MMP28: variants seen among roughly 807,000 people sequenced by gnomAD.
The protein encoded by MMP28 is matrix metalloproteinase-28.
In MMP28, 55 loss-of-function variants were observed where a neutral mutation model predicts 60.5. The observed-to-expected ratio is 0.91, with a 90% CI of 0.73 to 1.14. The LOEUF is 1.14. Ranked by LOEUF, MMP28 falls within the 50% of genes most tolerant of loss-of-function variation. The pLI is 0.00. For missense variants in MMP28, 686 were observed against 738.3 expected, an observed-to-expected ratio of 0.93 and a Z score of 0.82; for synonymous variants, 318 against 312.5, an observed-to-expected ratio of 1.02 and a Z score of -0.18.
chr17:35,776,730 CA>C (rs907432950), intron 3 of MMP28, among the ~76,000 whole-genome samples: 2 of 150,726 alleles, frequency 1.3e-5, no homozygotes, highest in African/African-American at 2.4e-5. Flanking sequence ...ACTAAAAATA[CA>C]AAAAAAAATT....
At chr17:35,794,181 G>A (rs1019049235) in intron 1 of MMP28, among the ~76,000 whole-genome samples, 2 of 151,464 alleles carry the variant, frequency 1.3e-5, no homozygotes, top group African/African-American at 4.9e-5. Context: ...GAAGAAGTAA[G>A]AACACAAGCA....
In MMP28 at chr17:35,768,287, G is replaced by A. The variant is rs751685683; in HGVS notation, c.943C>T (p.Arg315Cys). ...TWDSYSPQGR[R>C]PETQGPKYCH... ...TATTTAGGGCCCTGCGTTTCAGGGC[G>A]CCTTCCTTGGGGGCTGTAGGAGTCC... Residue 315 changes from arginine to cysteine, a missense_variant, in exon 6 of 8, where the codon CGC becomes TGC. Transcript: ENST00000605424. The A allele has an allele frequency of 2.0e-5, 33 of 1,613,202 alleles. No homozygotes were observed. The highest frequency in any genetic ancestry group is 1.5e-4 in the Admixed American group (9 of 59,928).
chr17:35,774,886 T>G (rs1248394993), intron 3 of MMP28, among the ~76,000 whole-genome samples: 3 of 152,212 alleles, frequency 2.0e-5, no homozygotes, highest in African/African-American at 7.2e-5. Context: ...CTGGGCACAC[T>G]GTGAGTCTTC....
chr17:35,782,494 T>C (rs1322078673), intron 1 of MMP28, among the ~76,000 whole-genome samples: 1 of 152,236 alleles, frequency 6.6e-6, no homozygotes, highest in East Asian at 1.9e-4. Flanking sequence ...CCCTTGTGGA[T>C]TTAATTCACA....
chr17:35,764,886 G>T, downstream of MMP28: 1 of 294,476 alleles, frequency 3.4e-6, no homozygotes, highest in Non-Finnish European at 6.3e-6. Context: ...CCCCCACGCA[G>T]CACCAGCGCC....
Position 35,773,284 on chromosome 17 carries a change from G to A in MMP28, c.500C>T (p.Ala167Val), listed in dbSNP as rs769133820. Reference protein sequence around the residue: ...AAFQLWSNVSALEFWEAPATG... With the variant: ...AAFQLWSNVSVLEFWEAPATG... Reference sequence around the variant, plus strand: ...GGCTGGGGCCTCCCAGAACTCCAGCGCTGAGACGTTGCTCCACAACTGGAA... The same window carrying A: ...GGCTGGGGCCTCCCAGAACTCCAGCACTGAGACGTTGCTCCACAACTGGAA... The change falls in exon 4 of 8, where the codon GCG becomes GTG. Residue 167 changes from alanine to valine, a missense_variant. By Grantham distance (64) the Ala-to-Val change is moderately conservative. Coordinates refer to ENST00000605424, the MANE Select transcript of MMP28 (RefSeq NM_024302.5). The A allele has an allele frequency of 5.0e-6, 8 of 1,613,972 alleles. No individual in the cohort carries two copies. Among genetic ancestry groups the A allele is most frequent in the Admixed American group, 3.3e-5 (2 of 60,030 alleles).
chr17:35,775,023 TGG>T (rs2086284857), intron 3 of MMP28, among the ~76,000 whole-genome samples: 1 of 152,124 alleles, frequency 6.6e-6, no homozygotes, highest in African/African-American at 2.4e-5. Context: ...TTGCAGCTAG[TGG>T]GGTCCCTCAC....
intron 4 of MMP28, 61 bp from the exon 5 acceptor site, chr17:35,770,373 G>A (rs1441700812): frequency 6.9e-7 from 1 of 1,443,402 alleles, no homozygotes; most frequent in Non-Finnish European, 9.0e-7. Context: ...GGTACTCGCG[G>A]CCCAGCGCAA....
intron 3 of MMP28, among the ~76,000 whole-genome samples, chr17:35,777,650 T>C (rs538464440): frequency 2.6e-5 from 4 of 152,342 alleles, no homozygotes; most frequent in Middle Eastern, 3.4e-3. Flanking sequence ...AAATTAATGA[T>C]AGATGAAAAC....
intron 5 of MMP28, among the ~76,000 whole-genome samples, chr17:35,768,815 G>C (rs1382525776): frequency 6.8e-6 from 1 of 147,072 alleles, no homozygotes; most frequent in Non-Finnish European, 1.5e-5. Context: ...GTCTCAAAAA[G>C]AAAAAAAAAA....
intron 1 of MMP28, among the ~76,000 whole-genome samples, chr17:35,793,475 T>C (rs2086874427): frequency 6.6e-6 from 1 of 152,110 alleles, no homozygotes; most frequent in South Asian, 2.1e-4. Flanking sequence ...AAAGTGCTTC[T>C]CTGAATATGC....
chr17:35,770,259 G>A lies in MMP28; in HGVS notation c.658C>T (p.Gln220Ter). The A allele has an allele frequency of 6.3e-7, 1 of 1,581,432 alleles. No individual in the cohort carries two copies. Among genetic ancestry groups the A allele is most frequent in the Non-Finnish European group, 8.5e-7 (1 of 1,171,028 alleles). The change falls in exon 5 of 8, where the codon CAA becomes TAA. Residue 220 changes from glutamine to a stop codon, truncating the protein, a stop_gained. Coordinates refer to ENST00000605424, the MANE Select transcript of MMP28 (RefSeq NM_024302.5). LOFTEE classifies it high-confidence loss of function. ...CGGCTCAGGGACCAGCGCTCATCTT[G>A]GTCGAAGTGCGCTTCGCCGCGGCGG... Reference protein sequence around the residue: ...LPRRGEAHFDQDERWSLSRRR... With the variant: ...LPRRGEAHFD
At chr17:35,764,658 T>C (rs782345041), downstream of MMP28, 4 of 1,530,744 alleles carry the variant, frequency 2.6e-6, no homozygotes, top group African/African-American at 2.9e-5. Context: ...CATCATTTCC[T>C]GGCCCCAGAC....
At chr17:35,773,064 G>C (rs1555606286) in intron 4 of MMP28, 116 bp downstream of exon 4, 1 of 846,634 alleles carries the variant, frequency 1.2e-6, no homozygotes, top group African/African-American at 1.7e-5. Context: ...TCTCTGCAGG[G>C]AGATGTGCCT....
Position 35,786,106 on chromosome 17 carries a change from G to T in MMP28, c.112-6783C>A, listed in dbSNP as rs2086641426. On this transcript the variant is annotated intron_variant, in intron 1 of 7. Coordinates refer to ENST00000605424, the MANE Select transcript of MMP28 (RefSeq NM_024302.5). The stretch of plus-strand genomic sequence containing the variant: ...GTTTCGCTTCTTGTTGCCCAAGCTG[G>T]AGTGCAATGGCACGATCTCAGCTCA... Among the ~76,000 whole-genome samples the T allele has an allele frequency of 2.6e-5, 4 of 151,122 alleles. No individual in the cohort carries two copies. The South Asian group carries it at 8.4e-4, about 32-fold the overall frequency.
In MMP28 at chr17:35,770,224, C is replaced by A; in HGVS notation, c.693G>T (p.Gly231=). The A allele has an allele frequency of 6.3e-7, 1 of 1,596,414 alleles. No individual in the cohort carries two copies. The highest frequency in any genetic ancestry group is 8.5e-7 in the Non-Finnish European group (1 of 1,176,554). ...DERWSLSRRR[G]RNLFVVLAHE... Reference sequence around the variant, plus strand: ...GCGCCAGCACCACGAACAGGTTGCGCCCGCGGCGGCGGCTCAGGGACCAGC... The same window carrying A: ...GCGCCAGCACCACGAACAGGTTGCGACCGCGGCGGCGGCTCAGGGACCAGC... Residue 231 remains glycine, a synonymous_variant, in exon 5 of 8, where the codon GGG becomes GGT. Coordinates refer to ENST00000605424, the MANE Select transcript of MMP28 (RefSeq NM_024302.5).
rs999796277 is a variant in MMP28, at chr17:35,765,950, C to T, written c.*550G>A. On this transcript the variant is annotated 3_prime_UTR_variant, in exon 8 of 8. Coordinates refer to ENST00000605424, the MANE Select transcript of MMP28 (RefSeq NM_024302.5). ...CAGGGACTGGTAGGCCTGCATCAGT[C>T]TCCCTCCCACTCTGTGTCCTGACCC... 2.8e-5 allele frequency: 28 copies of T among 985,340 alleles called. No individual in the cohort carries two copies. Among genetic ancestry groups the T allele is most frequent in the Non-Finnish European group, 3.4e-5 (28 of 829,946 alleles). 61.0% of individuals were successfully genotyped at this position (985,340 alleles called of 1,614,324 possible).
downstream of MMP28, among the ~76,000 whole-genome samples, chr17:35,761,953 T>C (rs1308670640): frequency 6.6e-6 from 1 of 152,208 alleles, no homozygotes; most frequent in Non-Finnish European, 1.5e-5. Flanking sequence ...TTAAATAGGA[T>C]GGACTGGGAT....
At position 35,766,706 on chromosome 17, in the gene MMP28, G is replaced by A. The variant is rs138254597; in HGVS notation, c.1357C>T (p.Pro453Ser). 33,318 of 1,604,616 alleles carry A rather than the reference G, an allele frequency of 0.021. 479 individuals are homozygous for A. Among genetic ancestry groups the A allele is most frequent in the Non-Finnish European group, 0.024 (28,130 of 1,175,970 alleles). Residue 453 changes from proline to serine, a missense_variant, in exon 8 of 8, where the codon CCC becomes TCC. Coordinates refer to ENST00000605424, the MANE Select transcript of MMP28 (RefSeq NM_024302.5). This position sits in a 1 kb window ranked among gnomAD's most constrained non-coding sequence, Gnocchi z 4.3. Reference sequence around the variant, plus strand: ...CCTCCCCAGTCCTGCAGACTTCGGGGGTAGTAGGGCTCCACTTGCAGTCCC... The same window carrying A: ...CCTCCCCAGTCCTGCAGACTTCGGGAGTAGTAGGGCTCCACTTGCAGTCCC... Reference protein sequence around the residue: ...RGGLQVEPYYPRSLQDWGGIP... With the variant: ...RGGLQVEPYYSRSLQDWGGIP...
Sources: gnomAD v4.1 joint callset for allele counts (sites outside exome capture counted in the v4.1 genomes callset) on GRCh38, gnomAD v4.1.1 for gene constraint, Gnocchi (gnomAD v3.1) non-coding constraint, MANE v1.5 for transcripts, NCBI Gene and HGNC (gene_info 2026-07-23, HGNC 2026-07-21) for gene names.